The following SLC35D2 variants were observed in gnomAD, a reference collection of about 807,000 sequenced individuals.
SLC35D2 encodes the protein nucleotide sugar transporter SLC35D2.
SLC35D2 carries 43 observed loss-of-function variants against 41.8 expected under a neutral mutation model. The ratio of observed to expected loss-of-function variants is 1.03; its 90% confidence interval spans 0.81 to 1.33. The LOEUF (loss-of-function observed/expected upper bound fraction) is 1.33. Ranked by LOEUF, SLC35D2 falls within the 40% of genes most tolerant of loss-of-function variation. The probability of loss-of-function intolerance (pLI) is 0.00; values close to 1 mark genes in which losing one functional copy is unlikely to be tolerated. For synonymous variants in SLC35D2, 150 were observed against 163.9 expected, an observed-to-expected ratio of 0.92 and a Z score of 0.65; for missense variants, 380 against 408.4, an observed-to-expected ratio of 0.93 and a Z score of 0.60.
downstream of SLC35D2, among the ~76,000 whole-genome samples, chr9:96,316,727 T>G (rs1038811800): frequency 3.3e-5 from 5 of 152,186 alleles, no homozygotes; most frequent in Non-Finnish European, 5.9e-5. Context: ...TTTTTGTGTG[T>G]GTGCCTGAGG....
At chr9:96,331,079 G>A (rs976069453) in intron 9 of SLC35D2, among the ~76,000 whole-genome samples, 2 of 152,132 alleles carry the variant, frequency 1.3e-5, no homozygotes, top group African/African-American at 4.8e-5. Context: ...TGTATATTTA[G>A]TAGAGACAGG....
chr9:96,364,560 A>AG lies in SLC35D2; in HGVS notation c.193-11dup, dbSNP rs1830405079. The AG allele has an allele frequency of 2.6e-6, 4 of 1,548,642 alleles. No individual in the cohort carries two copies. The highest frequency in any genetic ancestry group is 1.1e-5 in the South Asian group (1 of 88,834). ...TTATGGTGGCTGCCATCTGAAGAAA[A>AG]GGGGAGAGAGAAACTTCAGCAAAAT... On this transcript the variant is annotated splice_polypyrimidine_tract_variant and intron_variant, in intron 2 of 11. Coordinates refer to ENST00000253270, the MANE Select transcript of SLC35D2 (RefSeq NM_007001.3).
intron 4 of SLC35D2, among the ~76,000 whole-genome samples, chr9:96,357,110 G>A (rs1830058270): frequency 6.6e-6 from 1 of 151,982 alleles, no homozygotes; most frequent in Non-Finnish European, 1.5e-5. Context: ...CCTGGGAGGT[G>A]GAGGTTGCGG....
downstream of SLC35D2, among the ~76,000 whole-genome samples, chr9:96,317,999 G>T (rs1828097609): frequency 6.7e-6 from 1 of 149,562 alleles, no homozygotes; most frequent in African/African-American, 2.5e-5. Context: ...TCATGCCACT[G>T]CACTCCAGAC....
chr9:96,317,393 C>A (rs59692263), downstream of SLC35D2, among the ~76,000 whole-genome samples: 80,830 of 151,794 alleles, frequency 0.53, 21,718 homozygotes, highest in African/African-American at 0.6. Context: ...TTCTCCACCT[C>A]CAGCACCCCC....
At position 96,324,296 on chromosome 9, in the gene SLC35D2, G is replaced by A. The variant is rs761270064; in HGVS notation, c.753-127C>T. ...AGAAAAAAGAAACACATATCATAAA[G>A]GTTTTGTAACCCACATCTTAAGATA... On this transcript the variant is annotated intron_variant, in intron 9 of 11. Transcript: ENST00000253270. 2.9e-4 allele frequency: 187 copies of A among 647,702 alleles called. 1 individual carries two copies. The highest frequency in any genetic ancestry group is 4.2e-4 in the Non-Finnish European group (160 of 382,222). 40.1% of individuals were successfully genotyped at this position (647,702 alleles called of 1,614,324 possible).
intron 10 of SLC35D2, among the ~76,000 whole-genome samples, chr9:96,323,129 G>T (rs1012185503): frequency 4.6e-5 from 7 of 151,648 alleles, no homozygotes; most frequent in African/African-American, 1.7e-4. Flanking sequence ...CTTGAGCAGA[G>T]TGGAGACAGT....
At chr9:96,321,916 G>T in intron 11 of SLC35D2, 82 bp downstream of exon 11, 1 of 776,184 alleles carries the variant, frequency 1.3e-6, no homozygotes, top group Non-Finnish European at 2.1e-6. Flanking sequence ...ACTTCTCCAG[G>T]CTCTTTTGCT....
intron 4 of SLC35D2, 117 bp downstream of exon 4, chr9:96,360,037 T>A: frequency 1.7e-6 from 1 of 592,854 alleles, no homozygotes; most frequent in Non-Finnish European, 2.9e-6. Flanking sequence ...CTACTAAATA[T>A]TATTGTCTTC....
intron 1 of SLC35D2, among the ~76,000 whole-genome samples, chr9:96,376,600 C>T (rs1454584828): frequency 6.6e-6 from 1 of 151,954 alleles, no homozygotes; most frequent in African/African-American, 2.4e-5. Context: ...CAGAGAGAGA[C>T]TCTGACTCTA....
chr9:96,353,831 G>T (rs1395794611), intron 4 of SLC35D2, among the ~76,000 whole-genome samples: 1 of 152,274 alleles, frequency 6.6e-6, no homozygotes, highest in African/African-American at 2.4e-5. Flanking sequence ...GCTGCCAAAT[G>T]CCAGCCCATC....
chr9:96,346,393 G>T (rs1829575700), intron 6 of SLC35D2, among the ~76,000 whole-genome samples: 1 of 152,178 alleles, frequency 6.6e-6, no homozygotes, highest in African/African-American at 2.4e-5. Flanking sequence ...AACGAGAAGG[G>T]TTCTTTTAGG....
chr9:96,348,874 C>A (rs548126331), intron 6 of SLC35D2, among the ~76,000 whole-genome samples: 1 of 152,150 alleles, frequency 6.6e-6, no homozygotes, highest in Non-Finnish European at 1.5e-5. Context: ...TGCATACCCA[C>A]GGTAACTGAA....
intron 7 of SLC35D2, 27 bp downstream of exon 7, chr9:96,345,272 C>T (rs1348115190): frequency 9.3e-6 from 12 of 1,283,980 alleles, no homozygotes; most frequent in Non-Finnish European, 1.3e-5. Context: ...ATGACAGAGC[C>T]AAAAAGCCAT....
At chr9:96,354,076 GCAA>G (rs1453387367) in intron 4 of SLC35D2, among the ~76,000 whole-genome samples, 2 of 152,298 alleles carry the variant, frequency 1.3e-5, no homozygotes, top group East Asian at 1.9e-4. Context: ...TTTCAAAGCT[GCAA>G]CAACAACAAC....
At chr9:96,333,340 T>C (rs2130869253) in intron 9 of SLC35D2, among the ~76,000 whole-genome samples, 1 of 151,546 alleles carries the variant, frequency 6.6e-6, no homozygotes, top group Admixed American at 6.6e-5. Context: ...CTCACGCCTG[T>C]AATCCCAGCT....
chr9:96,369,544 T>C (rs1830599697), intron 1 of SLC35D2, among the ~76,000 whole-genome samples: 1 of 152,116 alleles, frequency 6.6e-6, no homozygotes, highest in African/African-American at 2.4e-5. Context: ...CAAATTACAA[T>C]AAATGAGATT....
intron 1 of SLC35D2, among the ~76,000 whole-genome samples, chr9:96,369,509 T>A (rs1830598261): frequency 6.6e-6 from 1 of 152,094 alleles, no homozygotes; most frequent in South Asian, 2.1e-4. Context: ...GAGGAATGAC[T>A]CTAATGGATG....
At chr9:96,374,885 C>T (rs2131028415) in intron 1 of SLC35D2, among the ~76,000 whole-genome samples, 1 of 151,804 alleles carries the variant, frequency 6.6e-6, no homozygotes, top group South Asian at 2.1e-4. Flanking sequence ...ATGTCTCCAC[C>T]TATTTATCTA....
Sources: allele counts gnomAD v4.1 joint callset (sites outside exome capture counted in the v4.1 genomes callset), GRCh38; gene constraint gnomAD v4.1.1; transcripts MANE v1.5; gene names NCBI Gene and HGNC (gene_info 2026-07-23, HGNC 2026-07-21).